RRM2B: variants seen among roughly 807,000 people sequenced by gnomAD.
RRM2B encodes ribonucleotide reductase regulatory TP53 inducible subunit M2B, also known as ribonucleoside-diphosphate reductase subunit M2 B.
RRM2B carries 20 observed loss-of-function variants against 45.9 expected under a neutral mutation model. That is an observed-to-expected ratio of 0.44 (90% confidence interval 0.31 to 0.63). The LOEUF (loss-of-function observed/expected upper bound fraction) is 0.63. Ranked by LOEUF, RRM2B falls within the 30% of genes least tolerant of loss-of-function variation. The pLI, the probability that RRM2B is intolerant of heterozygous loss-of-function variation, is 0.09. For missense variants in RRM2B, 320 were observed against 414.7 expected, an observed-to-expected ratio of 0.77 and a Z score of 1.98; for synonymous variants, 124 against 132.3, an observed-to-expected ratio of 0.94 and a Z score of 0.43.
At chr8:102,227,818 CAGAG>C (rs918078503) in intron 2 of RRM2B, among the ~76,000 whole-genome samples, 11 of 152,068 alleles carry the variant, frequency 7.2e-5, no homozygotes, top group Non-Finnish European at 1.2e-4. Flanking sequence ...CCTGACATAG[CAGAG>C]AGAGAGAGAT....
chr8:102,238,889 C>G lies in RRM2B; in HGVS notation c.-15G>C. The G allele has an allele frequency of 6.2e-7, 1 of 1,610,016 alleles. No individual in the cohort carries two copies. The highest frequency in any genetic ancestry group is 8.5e-7 in the Non-Finnish European group (1 of 1,179,832). ...GGGTCGCCCATCGCGCAGACTCCGC[C>G]GAAGCTACGGGCGCTGAGGGAACTG... On this transcript the variant is annotated 5_prime_UTR_variant, in exon 1 of 9. Transcript: ENST00000251810.
At chr8:102,235,850 AAGAAT>A (rs1369047130) in intron 1 of RRM2B, among the ~76,000 whole-genome samples, 1 of 152,228 alleles carries the variant, frequency 6.6e-6, no homozygotes, top group African/African-American at 2.4e-5. Flanking sequence ...TCAAAAAAAA[AAGAAT>A]AGAAAAGATA....
chr8:102,238,842 C>T lies in RRM2B; in HGVS notation c.33G>A (p.Gly11=), dbSNP rs1405872234. The change falls in exon 1 of 9, where the codon GGG becomes GGA. Residue 11 remains glycine, a synonymous_variant. Transcript: ENST00000251810. MGDPERPEAA[G]LDQDERSSSD... ...CAACATTTACCTCATCCTGATCCAG[C>T]CCGGCCGCTTCCGGCCTTTCCGGGT... 3 of 1,613,364 alleles carry T rather than the reference C, an allele frequency of 1.9e-6. No individual in the cohort carries two copies. Among genetic ancestry groups the T allele is most frequent in the African/African-American group, 2.7e-5 (2 of 74,940 alleles).
At chr8:102,238,461 A>G in intron 1 of RRM2B, 1 of 1,099,974 alleles carries the variant, frequency 9.1e-7, no homozygotes, top group Non-Finnish European at 1.2e-6. Context: ...GAGCCGCCAC[A>G]GTCCTCTTTC....
chr8:102,224,998 C>G lies in RRM2B; in HGVS notation c.342G>C (p.Glu114Asp). 1 of 1,614,114 alleles carries G rather than the reference C, an allele frequency of 6.2e-7. No individual in the cohort carries two copies. The highest frequency in any genetic ancestry group is 8.5e-7 in the Non-Finnish European group (1 of 1,180,008). Residue 114 changes from glutamate to aspartate, a missense_variant, in exon 4 of 9, where the codon GAG becomes GAC. Physicochemically the swap from Glu to Asp is conservative, Grantham distance 45 (BLOSUM62 2). This residue lies in a region of RRM2B where 225 missense variants were observed against 289.4 expected (regional missense o/e 0.78). Transcript: ENST00000251810. The part of the protein sequence containing the change: ...NENLVERFSQ[E>D]VQVPEARCFY... ...AACAGCGAGCCTCTGGAACCTGCACCTCCTGACTAAAGCGCTCCACCTAAG... is the reference window on the plus strand; with the variant it reads ...AACAGCGAGCCTCTGGAACCTGCACGTCCTGACTAAAGCGCTCCACCTAAG...
In RRM2B at chr8:102,225,931, A is replaced by G. The variant is rs534902480; in HGVS notation, c.308T>C (p.Val103Ala). The stretch of plus-strand genomic sequence containing the variant: ...CAAAAATCTTACCAAATTTTCATTT[A>G]CAATTCCATCACTGGCTGCAAAAAA... ...LAFFAASDGI[V>A]NENLVERFSQ... The change falls in exon 3 of 9, where the codon GTA becomes GCA. Residue 103 changes from valine to alanine, a missense_variant. Transcript: ENST00000251810. 6.3e-7 allele frequency: 1 copy of G among 1,596,192 alleles called. No individual in the cohort carries two copies. The highest frequency in any genetic ancestry group is 1.1e-5 in the South Asian group (1 of 90,726).
At chr8:102,232,476 T>C (rs1269098352) in intron 1 of RRM2B, among the ~76,000 whole-genome samples, 172 bp from the exon 2 acceptor site, 1 of 152,210 alleles carries the variant, frequency 6.6e-6, no homozygotes, top group African/African-American at 2.4e-5. Context: ...GAAGTGCGTG[T>C]GTGACCATAG....
intron 2 of RRM2B, among the ~76,000 whole-genome samples, chr8:102,230,322 C>G (rs1431790725): frequency 6.6e-6 from 1 of 152,234 alleles, no homozygotes; most frequent in Admixed American, 6.5e-5. Context: ...CTACAGAACA[C>G]GTACCAACCT....
At chr8:102,214,025 G>C (rs764634391) in intron 7 of RRM2B, 29 bp downstream of exon 7, 2 of 1,372,204 alleles carry the variant, frequency 1.5e-6, no homozygotes, top group Non-Finnish European at 2.1e-6. Flanking sequence ...AAAGAGAGAT[G>C]TGCTAATTAC....
At position 102,215,679 on chromosome 8, in the gene RRM2B, C is replaced by T. The variant is rs972755466; in HGVS notation, c.685-1521G>A. Among the ~76,000 whole-genome samples, 3 of 151,958 alleles carry T rather than the reference C, an allele frequency of 2.0e-5. No homozygotes were observed. In the East Asian group the frequency reaches 5.8e-4, roughly 29 times the overall value. Reference sequence around the variant, plus strand: ...TAATCTGGAAGGCTGGGCACGGGGGCTCATGCCTGTAATCCCAGCACTTTG... The same window carrying T: ...TAATCTGGAAGGCTGGGCACGGGGGTTCATGCCTGTAATCCCAGCACTTTG... On this transcript the variant is annotated intron_variant, in intron 6 of 8. Coordinates refer to ENST00000251810, the MANE Select transcript of RRM2B (RefSeq NM_015713.5).
intron 7 of RRM2B, among the ~76,000 whole-genome samples, chr8:102,213,803 G>A (rs1217813729): frequency 6.6e-6 from 1 of 151,476 alleles, no homozygotes; most frequent in Admixed American, 6.6e-5. Context: ...AGATCAATAA[G>A]ACAGAAAAAT....
Position 102,208,190 on chromosome 8 carries a change from A to G in RRM2B, c.999T>C (p.Arg333=), listed in dbSNP as rs1359579577. ...CTGTGGTTTCTGCCATAACTGCAAAACGCTGATACTCTGAAACTCGTTTCT... is the reference window on the plus strand; with the variant it reads ...CTGTGGTTTCTGCCATAACTGCAAAGCGCTGATACTCTGAAACTCGTTTCT... ...FFEKRVSEYQ[R]FAVMAETTDN... is the part of the protein sequence containing the mutation. Residue 333 remains arginine, a synonymous_variant, in exon 9 of 9, where the codon CGT becomes CGC. Coordinates refer to ENST00000251810, the MANE Select transcript of RRM2B (RefSeq NM_015713.5). 1 of 1,613,372 alleles carries G rather than the reference A, an allele frequency of 6.2e-7. No homozygotes were observed. Among genetic ancestry groups the G allele is most frequent in the Admixed American group, 1.7e-5 (1 of 59,980 alleles).
intron 5 of RRM2B, among the ~76,000 whole-genome samples, chr8:102,219,903 A>C (rs950282738): frequency 6.6e-6 from 1 of 152,182 alleles, no homozygotes; most frequent in African/African-American, 2.4e-5. Context: ...GAACTGACTC[A>C]ATGGAACCTA....
intron 2 of RRM2B, 92 bp from the exon 3 acceptor site, chr8:102,226,126 T>C: frequency 2.6e-6 from 2 of 770,606 alleles, no homozygotes; most frequent in Non-Finnish European, 2.3e-6. Context: ...AGTAGGAATA[T>C]CCCACTACCA....
At chr8:102,235,788 G>A (rs28999680) in intron 1 of RRM2B, among the ~76,000 whole-genome samples, 1 of 152,280 alleles carries the variant, frequency 6.6e-6, no homozygotes, top group East Asian at 1.9e-4. Context: ...GCAGTGAGCC[G>A]AGATTGTGCC....
chr8:102,219,633 A>C (rs765069440), intron 5 of RRM2B, among the ~76,000 whole-genome samples: 12 of 152,232 alleles, frequency 7.9e-5, no homozygotes, highest in Non-Finnish European at 1.3e-4. Context: ...CAGTGGCATC[A>C]TATCTGTAAC....
chr8:102,223,392 G>A (rs1810868004), intron 5 of RRM2B, among the ~76,000 whole-genome samples: 1 of 152,018 alleles, frequency 6.6e-6, no homozygotes, highest in Non-Finnish European at 1.5e-5. Flanking sequence ...GATTTCACTT[G>A]CTTTAAATTT....
rs370105003 is a variant in RRM2B at position 102,223,728 on chromosome 8, T to C, written c.550+318A>G. ...AAAAAAAAAAAAAAAATTCCTAAAA[T>C]AAACTTAAAAGCCAGATACAAACTG... is the stretch of plus-strand genomic sequence containing the variant. On this transcript the variant is annotated intron_variant, in intron 5 of 8. Transcript: ENST00000251810. Among the ~76,000 whole-genome samples the C allele has an allele frequency of 2.7e-5, 4 of 145,664 alleles. No homozygotes were observed. In the East Asian group the frequency reaches 8.1e-4, roughly 29 times the overall value.
Position 102,212,799 on chromosome 8 carries a change from G to A in RRM2B, c.880C>T (p.Leu294Phe), listed in dbSNP as rs1810657439. ...QYIEFVADRL[L>F]VELGFSKVFQ... The stretch of plus-strand genomic sequence containing the variant: ...ACCTTTGAGAATCCAAGTTCCACAA[G>A]TAATCTGTCAGCTACAAACTCAATG... Residue 294 changes from leucine (L) to phenylalanine (F), a missense_variant, in exon 8 of 9, where the codon CTT becomes TTT. By Grantham distance (22) the Leu-to-Phe change is conservative. Coordinates refer to ENST00000251810, the MANE Select transcript of RRM2B (RefSeq NM_015713.5). The A allele has an allele frequency of 1.9e-6, 3 of 1,599,922 alleles. No individual in the cohort carries two copies. The East Asian group carries it at 6.7e-5, about 36-fold the overall frequency.
Sources: gnomAD v4.1 joint callset for allele counts (sites outside exome capture counted in the v4.1 genomes callset) on GRCh38, gnomAD v4.1.1 for gene constraint, gnomAD v4.1.1 regional missense constraint, MANE v1.5 for transcripts, NCBI Gene and HGNC (gene_info 2026-07-23, HGNC 2026-07-21) for gene names.